CCDC91: variants seen among roughly 807,000 people sequenced by gnomAD.
CCDC91 encodes the protein coiled-coil domain-containing protein 91.
CCDC91 carries 48 observed loss-of-function variants against 63.2 expected under a neutral mutation model. The ratio of observed to expected loss-of-function variants is 0.76; its 90% CI spans 0.60 to 0.97. The LOEUF is 0.97. Among genes scored for constraint, CCDC91 ranks in the 50% least tolerant of loss-of-function variants. CCDC91 has a pLI of 0.00. For missense variants in CCDC91, 500 were observed against 494.6 expected, an observed-to-expected ratio of 1.01 and a Z score of -0.10; for synonymous variants, 167 against 165.8, an observed-to-expected ratio of 1.01 and a Z score of -0.06.
At chr12:28,214,277 T>C (rs1218512073) in intron 1 of CCDC91, among the ~76,000 whole-genome samples, 1 of 152,060 alleles carries the variant, frequency 6.6e-6, no homozygotes, top group Non-Finnish European at 1.5e-5. Flanking sequence ...AATGAGAAAT[T>C]AGATTGCTGT....
intron 6 of CCDC91, among the ~76,000 whole-genome samples, chr12:28,343,325 T>C (rs1196951755): frequency 1.3e-5 from 2 of 151,966 alleles, no homozygotes; most frequent in Non-Finnish European, 2.9e-5. Flanking sequence ...AGCACACATA[T>C]TCATTCGCAT....
At chr12:28,496,961 T>TATAG (rs907189591) in intron 12 of CCDC91, among the ~76,000 whole-genome samples, 13 of 147,178 alleles carry the variant, frequency 8.8e-5, no homozygotes, top group African/African-American at 3.0e-4. Context: ...TATATATATA[T>TATAG]GTAGGATTTT....
intron 6 of CCDC91, among the ~76,000 whole-genome samples, chr12:28,338,323 T>A (rs1942153891): frequency 6.6e-6 from 1 of 151,966 alleles, no homozygotes; most frequent in Non-Finnish European, 1.5e-5. Context: ...AGTGTTTTTT[T>A]TTTTTATTAT....
chr12:28,462,899 A>G (rs1322226694), intron 11 of CCDC91, among the ~76,000 whole-genome samples: 1 of 152,174 alleles, frequency 6.6e-6, no homozygotes, highest in Non-Finnish European at 1.5e-5. Flanking sequence ...GCTCCTAGAG[A>G]TGATGATACT....
intron 8 of CCDC91, among the ~76,000 whole-genome samples, chr12:28,444,545 G>A (rs573793501): frequency 6.6e-6 from 1 of 152,226 alleles, no homozygotes; most frequent in South Asian, 2.1e-4. Flanking sequence ...GGATGGAGCT[G>A]GAGGCTATTA....
intron 6 of CCDC91, among the ~76,000 whole-genome samples, chr12:28,340,251 T>C (rs183330658): frequency 7.4e-4 from 112 of 152,318 alleles, no homozygotes; most frequent in Middle Eastern, 3.4e-3. Flanking sequence ...AAGAATGACA[T>C]TGTTTTATCA....
intron 7 of CCDC91, among the ~76,000 whole-genome samples, chr12:28,383,312 C>G (rs1175350810): frequency 3.3e-5 from 5 of 152,132 alleles, no homozygotes; most frequent in Non-Finnish European, 7.4e-5. Context: ...TTCAAATACA[C>G]AGAAAAATCT....
At position 28,549,220 on chromosome 12, in the gene CCDC91, C is replaced by T. The variant is rs1053843; in HGVS notation, c.*47C>T. ...CTGGCATTGGATAAATCATATTACA[C>T]CTTCAAAATACACACTCTGAATTAT... On this transcript the variant is annotated 3_prime_UTR_variant, in exon 13 of 13. Transcript: ENST00000536442. 2 of 982,678 alleles carry T rather than the reference C, an allele frequency of 2.0e-6. No individual in the cohort carries two copies. The highest frequency in any genetic ancestry group is 2.4e-5 in the East Asian group (1 of 41,710). 60.9% of individuals were successfully genotyped at this position (982,678 alleles called of 1,614,324 possible). A position where few individuals can be genotyped will look rare whatever the true frequency, so the allele number is the denominator to read the frequency against.
chr12:28,516,173 G>C (rs1185010383), intron 12 of CCDC91, among the ~76,000 whole-genome samples: 1 of 151,900 alleles, frequency 6.6e-6, no homozygotes, highest in African/African-American at 2.4e-5. Context: ...TTCTTGAAGA[G>C]TGAGGCAGAC....
chr12:28,446,947 G>T (rs144851086), intron 8 of CCDC91, among the ~76,000 whole-genome samples: 15 of 152,274 alleles, frequency 9.9e-5, no homozygotes, highest in African/African-American at 3.6e-4. Context: ...CAATTTCATT[G>T]ATTAGGTGCT....
intron 3 of CCDC91, among the ~76,000 whole-genome samples, chr12:28,267,693 T>C (rs1305172873): frequency 8.9e-6 from 1 of 112,378 alleles, no homozygotes; most frequent in African/African-American, 3.4e-5. Flanking sequence ...ATATAAATTA[T>C]TTATTATATA....
chr12:28,370,984 A>G (rs1344894422), intron 7 of CCDC91, among the ~76,000 whole-genome samples: 3 of 152,148 alleles, frequency 2.0e-5, no homozygotes, highest in Non-Finnish European at 4.4e-5. Flanking sequence ...ATAATTCAAG[A>G]TGAAATTTGG....
intron 1 of CCDC91, among the ~76,000 whole-genome samples, chr12:28,206,630 T>C (rs1364232985): frequency 1.3e-5 from 2 of 152,168 alleles, no homozygotes; most frequent in Non-Finnish European, 2.9e-5. Flanking sequence ...GTTTTTTCAT[T>C]AATCCCCTGC....
intron 12 of CCDC91, among the ~76,000 whole-genome samples, chr12:28,485,212 G>T (rs1398146548): frequency 1.3e-5 from 2 of 151,382 alleles, no homozygotes; most frequent in Non-Finnish European, 2.9e-5. Flanking sequence ...AGGCTGGAGT[G>T]CAGTGGCGCG....
chr12:28,257,338 C>A, intron 2 of CCDC91, 93 bp downstream of exon 2: 1 of 728,402 alleles, frequency 1.4e-6, no homozygotes, highest in Non-Finnish European at 2.4e-6. Context: ...CATTGGCATT[C>A]ATGATATTTC....
In CCDC91 at chr12:28,522,017, T is replaced by C. The variant is rs142917228; in HGVS notation, c.1216-27046T>C. 2.1e-3 allele frequency among the ~76,000 whole-genome samples: 318 copies of C among 152,326 alleles called. 3 individuals are homozygous for C. Among genetic ancestry groups the C allele is most frequent in the African/African-American group, 7.2e-3 (300 of 41,574 alleles). ...TTTTTGCATCAATGTTCATCAGGGATATTGGTCTAAAATTCTGTTTTTTAT... is the reference window on the plus strand; with the variant it reads ...TTTTTGCATCAATGTTCATCAGGGACATTGGTCTAAAATTCTGTTTTTTAT... On this transcript the variant is annotated intron_variant, in intron 12 of 12. Coordinates refer to ENST00000536442, the MANE Select transcript of CCDC91 (RefSeq NM_018318.5).
intron 6 of CCDC91, among the ~76,000 whole-genome samples, chr12:28,358,899 T>C (rs566818385): frequency 6.6e-6 from 1 of 151,742 alleles, no homozygotes; most frequent in Non-Finnish European, 1.5e-5. Flanking sequence ...ACACCAATAC[T>C]TTTTTTTTCT....
intron 8 of CCDC91, among the ~76,000 whole-genome samples, chr12:28,419,581 TGACA>T (rs1318284357): frequency 6.6e-6 from 1 of 152,150 alleles, no homozygotes. Flanking sequence ...CAAAATTTAT[TGACA>T]GACGTTTTGT....
intron 11 of CCDC91, among the ~76,000 whole-genome samples, chr12:28,461,840 T>G (rs1296087699): frequency 6.6e-6 from 1 of 152,064 alleles, no homozygotes; most frequent in Non-Finnish European, 1.5e-5. Flanking sequence ...TGGAACATAG[T>G]ATGTGTTGTT....
Sources: allele counts gnomAD v4.1 joint callset (sites outside exome capture counted in the v4.1 genomes callset), GRCh38; gene constraint gnomAD v4.1.1; transcripts MANE v1.5; gene names NCBI Gene and HGNC (gene_info 2026-07-23, HGNC 2026-07-21).